ADARB2: variants seen among roughly 807,000 people sequenced by gnomAD.
ADARB2 encodes inactive double-stranded RNA-specific editase B2.
Under a neutral mutation model 62.2 loss-of-function variants are expected in ADARB2, and 25 were observed. The observed-to-expected ratio is 0.40, with a 90% CI of 0.29 to 0.56. ADARB2 has a LOEUF of 0.56. Ranked by LOEUF, ADARB2 falls within the 20% of genes least tolerant of loss-of-function variation. The pLI is 0.43. For missense variants in ADARB2, 1,071 were observed against 1,077.4 expected, an observed-to-expected ratio of 0.99 and a Z score of 0.08; for synonymous variants, 572 against 500.8, an observed-to-expected ratio of 1.14 and a Z score of -1.90.
intron 1 of ADARB2, among the ~76,000 whole-genome samples, chr10:1,623,002 G>A (rs926098104): frequency 1.3e-5 from 2 of 152,148 alleles, no homozygotes; most frequent in Admixed American, 6.5e-5. Context: ...GGCCAAAGGT[G>A]CAAACTACGG....
At chr10:1,638,252 G>A (rs534692914) in intron 1 of ADARB2, among the ~76,000 whole-genome samples, 8 of 152,282 alleles carry the variant, frequency 5.3e-5, no homozygotes, top group South Asian at 4.1e-4. Flanking sequence ...TCATTAACTC[G>A]TGAATTAACA....
In ADARB2 at chr10:1,196,029, G is replaced by C. The variant is rs1054446188; in HGVS notation, c.1864+3937C>G. ...CCTTTCCAGAGTGCCTCTCTCTCCC[G>C]TCCGCTTACCTCACACTCTCAGCCC... On this transcript the variant is annotated intron_variant, in intron 8 of 9. Transcript: ENST00000381312. 2.6e-5 allele frequency among the ~76,000 whole-genome samples: 4 copies of C among 152,098 alleles called. No homozygotes were observed. In the East Asian group the frequency reaches 7.7e-4, roughly 29 times the overall value.
intron 1 of ADARB2, among the ~76,000 whole-genome samples, chr10:1,434,530 T>G (rs1457402783): frequency 6.6e-6 from 1 of 151,072 alleles, no homozygotes; most frequent in East Asian, 1.9e-4. Context: ...CCACCAAGAG[T>G]TTTGCCCGGG....
At chr10:1,411,659 A>C (rs1832760826) in intron 1 of ADARB2, among the ~76,000 whole-genome samples, 2 of 152,164 alleles carry the variant, frequency 1.3e-5, no homozygotes, top group African/African-American at 4.8e-5. Flanking sequence ...TTGCAGCAAC[A>C]CCACAGAGAC....
intron 1 of ADARB2, among the ~76,000 whole-genome samples, chr10:1,660,617 A>G (rs1212091780): frequency 6.6e-6 from 1 of 152,152 alleles, no homozygotes; most frequent in Non-Finnish European, 1.5e-5. Context: ...TTTGTCTTAT[A>G]ATTGTGCCCC....
intron 2 of ADARB2, among the ~76,000 whole-genome samples, chr10:1,374,680 C>T (rs1035795981): frequency 7.2e-5 from 11 of 152,212 alleles, no homozygotes; most frequent in African/African-American, 2.4e-4. Flanking sequence ...TGGCTCCCGC[C>T]GTCCGTCCTC....
chr10:1,594,641 G>A lies in ADARB2; in HGVS notation c.100+142410C>T, dbSNP rs114014009. Among the ~76,000 whole-genome samples, 904 of 152,260 alleles carry A rather than the reference G, an allele frequency of 5.9e-3. 9 individuals carry two copies. The highest frequency in any genetic ancestry group is 0.019 in the African/African-American group (780 of 41,548). On this transcript the variant is annotated intron_variant, in intron 1 of 9. Coordinates refer to ENST00000381312, the MANE Select transcript of ADARB2 (RefSeq NM_018702.4). Reference sequence around the variant, plus strand: ...CAGTGGCCTTAGCACTGAGAGAAACGCCCACTCCTCGTTTTCTTGGCTAAG... The same window carrying A: ...CAGTGGCCTTAGCACTGAGAGAAACACCCACTCCTCGTTTTCTTGGCTAAG...
At chr10:1,376,082 C>T (rs566280068) in intron 2 of ADARB2, among the ~76,000 whole-genome samples, 2 of 151,896 alleles carry the variant, frequency 1.3e-5, no homozygotes, top group East Asian at 1.9e-4. Flanking sequence ...ACACACATCA[C>T]GACACACACA....
In ADARB2 at chr10:1,483,177, A is replaced by G. The variant is rs1201671212; in HGVS notation, c.101-104017T>C. On this transcript the variant is annotated intron_variant, in intron 1 of 9. Coordinates refer to ENST00000381312, the MANE Select transcript of ADARB2 (RefSeq NM_018702.4). ...TCTCCTTGGTTTCCCTTTTTTTCTA[A>G]AAGTCCCGTAAGATTTAAATTGCAG... Among the ~76,000 whole-genome samples, 5 of 152,166 alleles carry G rather than the reference A, an allele frequency of 3.3e-5. No homozygotes were observed. The East Asian group carries it at 7.7e-4, about 24-fold the overall frequency.
At chr10:1,340,325 C>T (rs1832012634) in intron 3 of ADARB2, among the ~76,000 whole-genome samples, 1 of 126,706 alleles carries the variant, frequency 7.9e-6, no homozygotes, top group African/African-American at 3.4e-5. Context: ...CCGGCATCCA[C>T]CAGAGAACCA....
chr10:1,459,868 G>T (rs12416537), intron 1 of ADARB2, among the ~76,000 whole-genome samples: 4 of 151,174 alleles, frequency 2.6e-5, no homozygotes, highest in African/African-American at 7.3e-5. Context: ...GAAAAATAAC[G>T]AATGTGCATG....
intron 1 of ADARB2, among the ~76,000 whole-genome samples, chr10:1,526,463 C>T (rs555323444): frequency 2.0e-5 from 3 of 152,156 alleles, no homozygotes; most frequent in African/African-American, 4.8e-5. Flanking sequence ...GGGGTGGATC[C>T]CTCACGATTA....
At chr10:1,207,909 G>C (rs1451599357) in intron 7 of ADARB2, among the ~76,000 whole-genome samples, 2 of 152,196 alleles carry the variant, frequency 1.3e-5, no homozygotes, top group Non-Finnish European at 2.9e-5. Context: ...TTAGGAGCCT[G>C]GGGTTTGGCT....
In ADARB2 at chr10:1,713,837, G is replaced by T. The variant is rs17155580; in HGVS notation, c.100+23214C>A. On this transcript the variant is annotated intron_variant, in intron 1 of 9. Coordinates refer to ENST00000381312, the MANE Select transcript of ADARB2 (RefSeq NM_018702.4). Reference sequence around the variant, plus strand: ...TCACTTCCTTGAGGACACAGAGAGCGCCAAGTTGGAGGACTCCGGTTACAG... The same window carrying T: ...TCACTTCCTTGAGGACACAGAGAGCTCCAAGTTGGAGGACTCCGGTTACAG... Among the ~76,000 whole-genome samples the T allele has an allele frequency of 7.1e-3, 1,078 of 152,226 alleles. 6 individuals are homozygous for T. Among genetic ancestry groups the T allele is most frequent in the Non-Finnish European group, 0.011 (731 of 68,018 alleles).
chr10:1,707,782 C>T (rs1564200757), intron 1 of ADARB2, among the ~76,000 whole-genome samples: 1 of 152,192 alleles, frequency 6.6e-6, no homozygotes, highest in Non-Finnish European at 1.5e-5. Flanking sequence ...GAAGATGAAG[C>T]TTGGTTAAAG....
At chr10:1,486,095 A>C (rs2131928231) in intron 1 of ADARB2, among the ~76,000 whole-genome samples, 1 of 152,200 alleles carries the variant, frequency 6.6e-6, no homozygotes, top group African/African-American at 2.4e-5. Flanking sequence ...CACATCGGCT[A>C]CTCATTCATC....
chr10:1,391,766 A>ATTTTTTTTTT lies in ADARB2; in HGVS notation c.101-12616_101-12607dup, dbSNP rs60956446. Among the ~76,000 whole-genome samples, 5 of 91,644 alleles carry ATTTTTTTTTT rather than the reference A, an allele frequency of 5.5e-5. 1 individual carries two copies. The highest frequency in any genetic ancestry group is 1.3e-4 in the African/African-American group (3 of 22,888). 60.1% of individuals were successfully genotyped at this position (91,644 alleles called of 152,430 possible). A position where few individuals can be genotyped will look rare whatever the true frequency, so the allele number is the denominator to read the frequency against. ...AACTGCCAGGATGTCTAAGAATTGGATTTTTTTTTTTTTTTTTTTTTTTTG... is the reference window on the plus strand; with the variant it reads ...AACTGCCAGGATGTCTAAGAATTGGATTTTTTTTTTTTTTTTTTTTTTTTTTTTTTTTTTG... On this transcript the variant is annotated intron_variant, in intron 1 of 9. Transcript: ENST00000381312.
intron 1 of ADARB2, among the ~76,000 whole-genome samples, chr10:1,719,007 C>T (rs1333168003): frequency 3.3e-5 from 5 of 151,930 alleles, no homozygotes; most frequent in African/African-American, 7.3e-5. Context: ...TTTGAGACGG[C>T]TGGAGTGCAG....
At chr10:1,617,410 A>G (rs1392733022) in intron 1 of ADARB2, among the ~76,000 whole-genome samples, 58 of 37,182 alleles carry the variant, frequency 1.6e-3, no homozygotes, top group Admixed American at 2.1e-3. Context: ...ACTCCGCACC[A>G]CCCTGCTGAG....
Sources: gnomAD v4.1 joint callset for allele counts (sites outside exome capture counted in the v4.1 genomes callset) on GRCh38, gnomAD v4.1.1 for gene constraint, MANE v1.5 for transcripts, NCBI Gene and HGNC (gene_info 2026-07-23, HGNC 2026-07-21) for gene names.